MMS22L: variants seen among roughly 807,000 people sequenced by gnomAD.
MMS22L encodes the protein protein MMS22-like.
In MMS22L, 74 loss-of-function variants were observed where a neutral mutation model predicts 159.1. The observed-to-expected ratio is 0.47, with a 90% CI of 0.39 to 0.56. The LOEUF (loss-of-function observed/expected upper bound fraction) is 0.56, where lower values mean the gene tolerates loss of function less well. MMS22L is among the 20% of genes least tolerant of loss of function. The pLI, the probability that MMS22L is intolerant of heterozygous loss-of-function variation, is 0.00. For missense variants in MMS22L, 1,351 were observed against 1,422.1 expected, an observed-to-expected ratio of 0.95 and a Z score of 0.80; for synonymous variants, 517 against 506.9, an observed-to-expected ratio of 1.02 and a Z score of -0.27.
chr6:97,178,258 G>A (rs1804323128), intron 18 of MMS22L, among the ~76,000 whole-genome samples, 185 bp downstream of exon 18: 1 of 152,018 alleles, frequency 6.6e-6, no homozygotes, highest in Non-Finnish European at 1.5e-5. Flanking sequence ...CTGTCCTTAA[G>A]TGTGAATTGT....
In MMS22L at chr6:97,216,724, T is replaced by C. The variant is rs112609794; in HGVS notation, c.2039+12170A>G. Among the ~76,000 whole-genome samples the C allele has an allele frequency of 7.3e-3, 1,107 of 152,338 alleles. 16 individuals carry two copies. Among genetic ancestry groups the C allele is most frequent in the African/African-American group, 0.025 (1,034 of 41,572 alleles). ...TACAAACTCATTGCTGAATTTCATC[T>C]AAAGCTTCAAAGATCTGGGTGGTCT... On this transcript the variant is annotated intron_variant, in intron 14 of 24. Coordinates refer to ENST00000683635, the MANE Select transcript of MMS22L (RefSeq NM_001350599.2).
chr6:97,272,906 A>T, intron 5 of MMS22L, 25 bp from the exon 6 acceptor site: 6 of 1,607,446 alleles, frequency 3.7e-6, no homozygotes, highest in Non-Finnish European at 5.1e-6. Context: ...GATAAAATAA[A>T]CAACTAGAGT....
At chr6:97,211,765 G>A (rs1221817756) in intron 14 of MMS22L, among the ~76,000 whole-genome samples, 3 of 152,106 alleles carry the variant, frequency 2.0e-5, no homozygotes, top group Non-Finnish European at 2.9e-5. Context: ...ATAACACAGT[G>A]CTATAATAAC....
intron 14 of MMS22L, among the ~76,000 whole-genome samples, chr6:97,224,935 A>T (rs1247643920): frequency 6.6e-6 from 1 of 152,172 alleles, no homozygotes; most frequent in Non-Finnish European, 1.5e-5. Context: ...TAAGTTAATT[A>T]AAAATATAGT....
At chr6:97,163,580 T>A (rs941334008) in intron 21 of MMS22L, among the ~76,000 whole-genome samples, 20 of 152,144 alleles carry the variant, frequency 1.3e-4, no homozygotes, top group African/African-American at 4.1e-4. Context: ...CACTTCAGCA[T>A]CTGTCATTTA....
In MMS22L at chr6:97,217,593, G is replaced by A. The variant is rs565083792; in HGVS notation, c.2039+11301C>T. Among the ~76,000 whole-genome samples, 56 of 152,118 alleles carry A rather than the reference G, an allele frequency of 3.7e-4. No individual in the cohort carries two copies. In the South Asian group the frequency reaches 8.3e-3, roughly 23 times the overall value. On this transcript the variant is annotated intron_variant, in intron 14 of 24. Transcript: ENST00000683635. ...TTATAAAGCTTCATTCACCTCCCAC[G>A]TTAATTATATAATTATTAGGAACTG...
intron 18 of MMS22L, among the ~76,000 whole-genome samples, chr6:97,174,658 G>A (rs1414707630): frequency 6.6e-6 from 1 of 152,130 alleles, no homozygotes; most frequent in African/African-American, 2.4e-5. Context: ...GACAGATGAT[G>A]GTAGTCAATG....
rs779169506 is a variant in MMS22L, at chr6:97,231,498, C to CA, written c.1456dup (p.Cys486LeufsTer8). On this transcript the variant is annotated frameshift_variant, in exon 13 of 25. Transcript: ENST00000683635. LOFTEE classifies it high-confidence loss of function. ...TTTTTTAACAACTTTTGCCAGAATA[C>CA]AAAGAAAAATAGTATAACTACTGCT... 2 of 1,613,696 alleles carry CA rather than the reference C, an allele frequency of 1.2e-6. No individual in the cohort carries two copies. Among genetic ancestry groups the CA allele is most frequent in the Non-Finnish European group, 1.7e-6 (2 of 1,179,798 alleles).
chr6:97,234,682 G>T (rs996236980), intron 11 of MMS22L, among the ~76,000 whole-genome samples: 1 of 152,040 alleles, frequency 6.6e-6, no homozygotes, highest in African/African-American at 2.4e-5. Context: ...GAAAAGAAAA[G>T]GACACTAAAA....
At chr6:97,184,867 A>G (rs1007921741) in intron 15 of MMS22L, among the ~76,000 whole-genome samples, 2 of 152,072 alleles carry the variant, frequency 1.3e-5, no homozygotes, top group Admixed American at 6.6e-5. Flanking sequence ...ACAGCTTCCA[A>G]TCTCAGAGTA....
chr6:97,273,818 A>G (rs1248282649), intron 4 of MMS22L, among the ~76,000 whole-genome samples: 1 of 152,134 alleles, frequency 6.6e-6, no homozygotes, highest in Non-Finnish European at 1.5e-5. Context: ...AAACCACCAC[A>G]ATAGCACTCT....
At chr6:97,278,402 CAA>C (rs76586542) in intron 4 of MMS22L, among the ~76,000 whole-genome samples, 5 of 75,894 alleles carry the variant, frequency 6.6e-5, no homozygotes, top group Non-Finnish European at 2.7e-5. Context: ...AACTCCCTAT[CAA>C]AAAAAAAAAA....
intron 12 of MMS22L, among the ~76,000 whole-genome samples, chr6:97,232,512 T>A (rs1262397346): frequency 6.6e-6 from 1 of 152,176 alleles, no homozygotes; most frequent in East Asian, 1.9e-4. Context: ...ATATTTAATA[T>A]GTTTTAATCT....
At chr6:97,161,168 T>C (rs1802395405) in intron 22 of MMS22L, among the ~76,000 whole-genome samples, 1 of 151,990 alleles carries the variant, frequency 6.6e-6, no homozygotes, top group Non-Finnish European at 1.5e-5. Flanking sequence ...TTTTAAATAA[T>C]GAAGTCCACT....
At chr6:97,212,266 T>C (rs1808464198) in intron 14 of MMS22L, among the ~76,000 whole-genome samples, 1 of 152,180 alleles carries the variant, frequency 6.6e-6, no homozygotes, top group South Asian at 2.1e-4. Flanking sequence ...ATACAGACAT[T>C]TCTGTTTCAT....
chr6:97,146,045 T>C lies in MMS22L; in HGVS notation c.*761A>G, dbSNP rs1399836276. Reference sequence around the variant, plus strand: ...CTACTATTGTTACTTTTCTAGAATATTTTTATTTACTCTCCTCTTAAAGTC... The same window carrying C: ...CTACTATTGTTACTTTTCTAGAATACTTTTATTTACTCTCCTCTTAAAGTC... On this transcript the variant is annotated 3_prime_UTR_variant, in exon 25 of 25. Coordinates refer to ENST00000683635, the MANE Select transcript of MMS22L (RefSeq NM_001350599.2). 6.6e-6 allele frequency: 1 copy of C among 152,018 alleles called. No individual in the cohort carries two copies. Among genetic ancestry groups the C allele is most frequent in the Non-Finnish European group, 1.5e-5 (1 of 67,918 alleles). 9.4% of individuals were successfully genotyped at this position (152,018 alleles called of 1,614,324 possible).
chr6:97,215,917 C>A (rs917537363), intron 14 of MMS22L, among the ~76,000 whole-genome samples: 2 of 151,820 alleles, frequency 1.3e-5, no homozygotes, highest in African/African-American at 2.4e-5. Context: ...TTTAAATAAG[C>A]CTTAAATCTG....
At chr6:97,212,487 C>A (rs1393430159) in intron 14 of MMS22L, among the ~76,000 whole-genome samples, 2 of 152,212 alleles carry the variant, frequency 1.3e-5, no homozygotes, top group African/African-American at 2.4e-5. Flanking sequence ...CATTCTCTCA[C>A]TTTACTTCTC....
chr6:97,257,374 C>T (rs1243013762), intron 9 of MMS22L, among the ~76,000 whole-genome samples: 1 of 152,142 alleles, frequency 6.6e-6, no homozygotes, highest in Non-Finnish European at 1.5e-5. Context: ...AATCTGTAAG[C>T]GTTCCTCAGA....
Sources: allele counts gnomAD v4.1 joint callset (sites outside exome capture counted in the v4.1 genomes callset), GRCh38; gene constraint gnomAD v4.1.1; transcripts MANE v1.5; gene names NCBI Gene and HGNC (gene_info 2026-07-23, HGNC 2026-07-21).